Variants in PTAR1 observed in about 807,000 individuals in gnomAD.
The protein encoded by PTAR1 is protein prenyltransferase alpha subunit repeat-containing protein 1.
PTAR1 carries 17 observed loss-of-function variants against 45.5 expected under a neutral mutation model. The ratio of observed to expected loss-of-function variants is 0.37; its 90% CI spans 0.26 to 0.56. The LOEUF (loss-of-function observed/expected upper bound fraction) is 0.56, where lower values mean the gene tolerates loss of function less well. Among genes scored for constraint, PTAR1 ranks in the 20% least tolerant of loss-of-function variants. The pLI is 0.77. For missense variants in PTAR1, 391 were observed against 476.3 expected (o/e 0.82, Z 1.67); for synonymous variants, 169 against 171.3 (o/e 0.99, Z 0.11).
In PTAR1 at chr9:69,742,589, TG is replaced by T. The variant is rs148820844; in HGVS notation, c.257-732del. ...GGCTATTTTCTTGGGCTATATTTCC[TG>T]AAGCAGAACTACTATGTCAAAACAA... On this transcript the variant is annotated intron_variant, in intron 2 of 7. Coordinates refer to ENST00000340434, the MANE Select transcript of PTAR1 (RefSeq NM_001099666.2). Among the ~76,000 whole-genome samples, 263 of 152,214 alleles carry T rather than the reference TG, an allele frequency of 1.7e-3. 6 individuals carry two copies. The East Asian group carries it at 0.04, about 23-fold the overall frequency.
rs868253680 is a variant in PTAR1 at position 69,716,015 on chromosome 9, G to C, written c.*2327C>G. On this transcript the variant is annotated 3_prime_UTR_variant, in exon 8 of 8. Transcript: ENST00000340434. ...TAGTTTACACACCAAAGATAGGCAA[G>C]ATAATCAGTGGAAGGTACACAAAGG... is the stretch of plus-strand genomic sequence containing the variant. The C allele has an allele frequency of 6.6e-6, 1 of 152,222 alleles. No homozygotes were observed. Among genetic ancestry groups the C allele is most frequent in the South Asian group, 2.1e-4 (1 of 4,830 alleles). 9.4% of individuals were successfully genotyped at this position (152,222 alleles called of 1,614,324 possible). A position where few individuals can be genotyped will look rare whatever the true frequency, so the allele number is the denominator to read the frequency against.
intron 1 of PTAR1, among the ~76,000 whole-genome samples, chr9:69,759,006 A>ATC (rs56932168): frequency 0.062 from 9,382 of 151,360 alleles, 589 homozygotes; most frequent in African/African-American, 0.16. Flanking sequence ...TATAATGTAG[A>ATC]TCTCTCTCTC....
chr9:69,759,634 G>A (rs930983515), intron 1 of PTAR1, among the ~76,000 whole-genome samples: 1 of 152,156 alleles, frequency 6.6e-6, no homozygotes, highest in South Asian at 2.1e-4. Context: ...ATTTTTTGAG[G>A]TCACTTCTAG....
At chr9:69,754,555 T>TTTTTTTTTTTTC (rs1826679065) in intron 1 of PTAR1, among the ~76,000 whole-genome samples, 1 of 108,160 alleles carries the variant, frequency 9.2e-6, no homozygotes, top group African/African-American at 3.5e-5. Context: ...TTTTTTTTTT[T>TTTTTTTTTTTTC]CCTGAGACAG....
At chr9:69,721,098 TG>T (rs534589135) in intron 6 of PTAR1, among the ~76,000 whole-genome samples, 10 of 152,254 alleles carry the variant, frequency 6.6e-5, no homozygotes, top group Admixed American at 2.6e-4. Context: ...CTAATGGATC[TG>T]GGCAAAGTAA....
chr9:69,728,017 AT>A (rs1170963186), intron 5 of PTAR1, among the ~76,000 whole-genome samples: 1 of 152,106 alleles, frequency 6.6e-6, no homozygotes, highest in East Asian at 1.9e-4. Context: ...TGCTTTGCCT[AT>A]TCTGAACATG....
In PTAR1 at chr9:69,759,991, G is replaced by T. The variant is rs1252751608; in HGVS notation, c.-53C>A. ...GCGCCTCCGCGTGAGCCGGGCCGCC[G>T]GCGGGAGTTCCGCGGAGAACGAGCG... On this transcript the variant is annotated 5_prime_UTR_variant, in exon 1 of 8. Coordinates refer to ENST00000340434, the MANE Select transcript of PTAR1 (RefSeq NM_001099666.2). 6.7e-5 allele frequency: 93 copies of T among 1,395,018 alleles called. 2 individuals are homozygous for T. In the East Asian group the frequency reaches 2.7e-3, roughly 41 times the overall value. 86.4% of individuals were successfully genotyped at this position (1,395,018 alleles called of 1,614,324 possible).
At chr9:69,734,671 G>T (rs989844223) in intron 3 of PTAR1, among the ~76,000 whole-genome samples, 1 of 151,948 alleles carries the variant, frequency 6.6e-6, no homozygotes, top group East Asian at 1.9e-4. Context: ...ACTTGACATG[G>T]TCTATTTCAT....
chr9:69,738,931 CAG>C, intron 3 of PTAR1, among the ~76,000 whole-genome samples: 1 of 152,070 alleles, frequency 6.6e-6, no homozygotes, highest in Non-Finnish European at 1.5e-5. Context: ...CCTCAGCCTC[CAG>C]AGTGGCTGGG....
At position 69,724,959 on chromosome 9, in the gene PTAR1, G is replaced by C; in HGVS notation, c.643-1329C>G. On this transcript the variant is annotated intron_variant, in intron 5 of 7. Transcript: ENST00000340434. ...TTCATAGCCACCTAAATTTATTCCA[G>C]AGGCTATAGCTGGCAAGTATCTGAG... is the stretch of plus-strand genomic sequence containing the variant. Among the ~76,000 whole-genome samples the C allele has an allele frequency of 1.3e-5, 2 of 152,096 alleles. 1 individual carries two copies. The highest frequency in any genetic ancestry group is 2.9e-5 in the Non-Finnish European group (2 of 68,026).
In PTAR1 at chr9:69,713,442, A is replaced by C. The variant is rs966176147; in HGVS notation, c.*4900T>G. The C allele has an allele frequency of 6.6e-6, 1 of 152,142 alleles. No homozygotes were observed. Among genetic ancestry groups the C allele is most frequent in the African/African-American group, 2.4e-5 (1 of 41,444 alleles). 9.4% of individuals were successfully genotyped at this position (152,142 alleles called of 1,614,324 possible). On this transcript the variant is annotated 3_prime_UTR_variant, in exon 8 of 8. Coordinates refer to ENST00000340434, the MANE Select transcript of PTAR1 (RefSeq NM_001099666.2). ...TATGAAATTATATTTGCTATCTTGAAATATGGAATTCCTATCCCTCCCTTC... is the reference window on the plus strand; with the variant it reads ...TATGAAATTATATTTGCTATCTTGACATATGGAATTCCTATCCCTCCCTTC...
At chr9:69,741,731 G>T in intron 3 of PTAR1, 61 bp downstream of exon 3, 1 of 1,076,784 alleles carries the variant, frequency 9.3e-7, no homozygotes, top group South Asian at 1.4e-5. Context: ...CAACTTATGG[G>T]GCTTACATGT....
intron 1 of PTAR1, among the ~76,000 whole-genome samples, chr9:69,753,787 G>A (rs942340830): frequency 2.6e-5 from 4 of 152,216 alleles, no homozygotes; most frequent in Admixed American, 6.5e-5. Context: ...GAAGTCCAGA[G>A]TTCTAGTTAG....
chr9:69,739,672 G>A (rs750613150), intron 3 of PTAR1, among the ~76,000 whole-genome samples: 44 of 152,240 alleles, frequency 2.9e-4, no homozygotes, highest in Non-Finnish European at 5.4e-4. Flanking sequence ...TATTTGATAC[G>A]CAATAGAGAC....
rs1824593155 is a variant in PTAR1 at position 69,713,189 on chromosome 9, G to A, written c.*5153C>T. 6.6e-6 allele frequency: 1 copy of A among 152,138 alleles called. No individual in the cohort carries two copies. Among genetic ancestry groups the A allele is most frequent in the African/African-American group, 2.4e-5 (1 of 41,504 alleles). 9.4% of individuals were successfully genotyped at this position (152,138 alleles called of 1,614,324 possible). A position where few individuals can be genotyped will look rare whatever the true frequency, so the allele number is the denominator to read the frequency against. On this transcript the variant is annotated 3_prime_UTR_variant, in exon 8 of 8. Coordinates refer to ENST00000340434, the MANE Select transcript of PTAR1 (RefSeq NM_001099666.2). Reference sequence around the variant, plus strand: ...GGTTTCATCAGCAGACTAAACTACTGCCCTGTATTGTTCTTAGCAAAGAGT... The same window carrying A: ...GGTTTCATCAGCAGACTAAACTACTACCCTGTATTGTTCTTAGCAAAGAGT...
chr9:69,723,567 C>T lies in PTAR1; in HGVS notation c.706G>A (p.Gly236Arg), dbSNP rs772119295. 4.3e-6 allele frequency: 7 copies of T among 1,613,772 alleles called. No homozygotes were observed. In the South Asian group the frequency reaches 4.4e-5, roughly 10 times the overall value. The change falls in exon 6 of 8, where the codon GGA becomes AGA. Residue 236 changes from glycine (G) to arginine (R), a missense_variant. By Grantham distance (125) the Gly-to-Arg change is moderately radical. Coordinates refer to ENST00000340434, the MANE Select transcript of PTAR1 (RefSeq NM_001099666.2). ...AGCAAAAACTGGCGGTAGTGAAATC[C>T]ACTGTGGTCTGAAACGTGCATAGAT... ...WASMHVSDHS[G>R]FHYRQFLLKS...
At chr9:69,726,967 TTTC>T in intron 5 of PTAR1, among the ~76,000 whole-genome samples, 1 of 151,954 alleles carries the variant, frequency 6.6e-6, no homozygotes, top group South Asian at 2.1e-4. Flanking sequence ...AATTCTTTTT[TTTC>T]TTTTCTCCCT....
At chr9:69,739,932 G>GTCATAAACATCCCT in intron 3 of PTAR1, among the ~76,000 whole-genome samples, 1 of 152,064 alleles carries the variant, frequency 6.6e-6, no homozygotes, top group Non-Finnish European at 1.5e-5. Context: ...GATTTATGGA[G>GTCATAAACATCCCT]CAACTTCCCT....
At chr9:69,737,644 C>G (rs780434087) in intron 3 of PTAR1, among the ~76,000 whole-genome samples, 27 of 152,090 alleles carry the variant, frequency 1.8e-4, no homozygotes, top group Non-Finnish European at 3.4e-4. Context: ...TTTACTCTGT[C>G]TGAAATGACA....
Sources: gnomAD v4.1 joint callset for allele counts (sites outside exome capture counted in the v4.1 genomes callset) on GRCh38, gnomAD v4.1.1 for gene constraint, MANE v1.5 for transcripts, NCBI Gene and HGNC (gene_info 2026-07-23, HGNC 2026-07-21) for gene names.